The following LGR4 variants were observed in gnomAD, a reference collection of about 807,000 sequenced individuals.
LGR4 encodes the protein leucine rich repeat containing G protein-coupled receptor 4.
In LGR4, 44 loss-of-function variants were observed where a neutral mutation model predicts 84.8. That is an observed-to-expected ratio of 0.52 (90% CI 0.41 to 0.67). LGR4 has a LOEUF of 0.67. LGR4 is among the 30% of genes least tolerant of loss of function. The pLI, the probability that LGR4 is intolerant of heterozygous loss-of-function variation, is 0.00. For missense variants in LGR4, 1,032 were observed against 1,131.4 expected (o/e 0.91, Z 1.26); for synonymous variants, 429 against 434.3 (o/e 0.99, Z 0.15).
intron 2 of LGR4, among the ~76,000 whole-genome samples, chr11:27,404,060 T>C (rs1008221497): frequency 1.3e-5 from 2 of 152,346 alleles, no homozygotes; most frequent in Admixed American, 1.3e-4. Flanking sequence ...TGACTTAGCC[T>C]ATTTTCTTGC....
Position 27,395,355 on chromosome 11 carries a change from A to T in LGR4, c.258-2837T>A, listed in dbSNP as rs532261348. 5.4e-5 allele frequency among the ~76,000 whole-genome samples: 7 copies of T among 128,894 alleles called. 1 individual carries two copies. The highest frequency in any genetic ancestry group is 2.9e-4 in the Admixed American group (4 of 13,722). 84.6% of individuals were successfully genotyped at this position (128,894 alleles called of 152,430 possible). The stretch of plus-strand genomic sequence containing the variant: ...GTTCAGCCTATTGTGCTGGGCTCAT[A>T]AAAAAAAAAAAGTATTTTATAAAGT... On this transcript the variant is annotated intron_variant, in intron 2 of 17. Transcript: ENST00000379214.
At chr11:27,446,428 GA>G (rs946264011) in intron 1 of LGR4, among the ~76,000 whole-genome samples, 3 of 152,148 alleles carry the variant, frequency 2.0e-5, no homozygotes, top group African/African-American at 7.2e-5. Context: ...AAAGACACAT[GA>G]AAAAATTCTC....
At chr11:27,454,259 ATATAT>A (rs1432294281) in intron 1 of LGR4, among the ~76,000 whole-genome samples, 1 of 152,162 alleles carries the variant, frequency 6.6e-6, no homozygotes, top group African/African-American at 2.4e-5. Context: ...GTATTGATTG[ATATAT>A]TATGTCTCCC....
chr11:27,451,368 G>A (rs1012382121), intron 1 of LGR4, among the ~76,000 whole-genome samples: 8 of 152,190 alleles, frequency 5.3e-5, no homozygotes, highest in African/African-American at 1.9e-4. Context: ...AGGCACTGCT[G>A]AGCTTGGAAT....
intron 1 of LGR4, among the ~76,000 whole-genome samples, chr11:27,457,044 A>C (rs1864586920): frequency 6.6e-6 from 1 of 152,136 alleles, no homozygotes; most frequent in Non-Finnish European, 1.5e-5. Context: ...AGCAAACTAC[A>C]GGGATGAGCA....
chr11:27,400,513 T>C (rs1863478362), intron 2 of LGR4, among the ~76,000 whole-genome samples: 1 of 151,960 alleles, frequency 6.6e-6, no homozygotes. Context: ...TTTCCTTTTT[T>C]TTTTTTTGAG....
intron 1 of LGR4, among the ~76,000 whole-genome samples, chr11:27,441,010 A>G (rs1864296880): frequency 6.6e-6 from 1 of 152,148 alleles, no homozygotes; most frequent in African/African-American, 2.4e-5. Flanking sequence ...TGGACTTCAC[A>G]GCAACTTTAC....
chr11:27,374,417 C>G (rs1419370280), intron 13 of LGR4, among the ~76,000 whole-genome samples: 1 of 152,120 alleles, frequency 6.6e-6, no homozygotes, highest in Non-Finnish European at 1.5e-5. Flanking sequence ...AAACAGACTT[C>G]GTATTGTTTG....
intron 13 of LGR4, among the ~76,000 whole-genome samples, chr11:27,375,853 A>G (rs1862967833): frequency 2.0e-5 from 3 of 152,232 alleles, no homozygotes. Context: ...GCCAATGTAC[A>G]ATTAGCTAAA....
rs924625917 is a variant in LGR4 at position 27,449,560 on chromosome 11, C to T, written c.185+22558G>A. On this transcript the variant is annotated intron_variant, in intron 1 of 17. Transcript: ENST00000379214. ...TCACGCCATTGCACACCAGCCTGGG[C>T]GACAAAGTGAGATGCTGTCTCTTAA... Among the ~76,000 whole-genome samples the T allele has an allele frequency of 6.0e-5, 9 of 149,712 alleles. No homozygotes were observed. In the South Asian group the frequency reaches 8.4e-4, roughly 14 times the overall value.
At chr11:27,452,370 G>A (rs1296752259) in intron 1 of LGR4, among the ~76,000 whole-genome samples, 12 of 152,192 alleles carry the variant, frequency 7.9e-5, no homozygotes, top group African/African-American at 2.2e-4. Context: ...TAATATATCA[G>A]CTAAACCGGG....
chr11:27,398,969 G>A (rs1863444231), intron 2 of LGR4, among the ~76,000 whole-genome samples: 1 of 151,970 alleles, frequency 6.6e-6, no homozygotes, highest in African/African-American at 2.4e-5. Flanking sequence ...TGCAATGGCA[G>A]GATCTTGGCT....
chr11:27,393,051 T>C (rs1863316487), intron 2 of LGR4, among the ~76,000 whole-genome samples: 1 of 152,196 alleles, frequency 6.6e-6, no homozygotes, highest in South Asian at 2.1e-4. Context: ...CTATATATTT[T>C]TTTCTGAAGT....
At chr11:27,406,659 G>GT (rs1863616864) in intron 2 of LGR4, among the ~76,000 whole-genome samples, 2 of 152,244 alleles carry the variant, frequency 1.3e-5, no homozygotes, top group South Asian at 4.1e-4. Context: ...AGTAAGATAA[G>GT]TAACACTCCT....
rs939397545 is a variant in LGR4, at chr11:27,438,559, G to A, written c.186-25699C>T. On this transcript the variant is annotated intron_variant, in intron 1 of 17. Transcript: ENST00000379214. ...GGAGTTCCCACATATTTGGTTAAAC[G>A]TTATTCTTGGTATATATATAAGGGT... is the stretch of plus-strand genomic sequence containing the variant. Among the ~76,000 whole-genome samples the A allele has an allele frequency of 9.2e-5, 14 of 152,244 alleles. 1 individual carries two copies. The South Asian group carries it at 1.2e-3, about 14-fold the overall frequency.
At chr11:27,449,723 T>C (rs1376120923) in intron 1 of LGR4, among the ~76,000 whole-genome samples, 1 of 152,196 alleles carries the variant, frequency 6.6e-6, no homozygotes, top group East Asian at 1.9e-4. Context: ...AGAAAAATTC[T>C]GTAGGAGATA....
chr11:27,471,923 G>A, intron 1 of LGR4, 195 bp downstream of exon 1: 1 of 364,814 alleles, frequency 2.7e-6, no homozygotes, highest in Non-Finnish European at 4.8e-6. Context: ...ACCCGGACTA[G>A]CAAAGTGCGG....
At chr11:27,385,947 A>G (rs989333103) in intron 4 of LGR4, among the ~76,000 whole-genome samples, 3 of 152,170 alleles carry the variant, frequency 2.0e-5, no homozygotes, top group African/African-American at 7.2e-5. Flanking sequence ...AAAATACTTA[A>G]AATTTTTGTA....
At chr11:27,449,168 TAATA>T (rs1864441349) in intron 1 of LGR4, among the ~76,000 whole-genome samples, 1 of 152,182 alleles carries the variant, frequency 6.6e-6, no homozygotes, top group African/African-American at 2.4e-5. Flanking sequence ...TGCTGTAAAA[TAATA>T]AATACCTACT....
Sources: gnomAD v4.1 joint callset for allele counts (sites outside exome capture counted in the v4.1 genomes callset) on GRCh38, gnomAD v4.1.1 for gene constraint, MANE v1.5 for transcripts, NCBI Gene and HGNC (gene_info 2026-07-23, HGNC 2026-07-21) for gene names.